The following KIFC3 variants were observed in gnomAD, a reference collection of about 807,000 sequenced individuals.
KIFC3 encodes the protein kinesin family member C3, also known as kinesin-like protein KIFC3.
In KIFC3, 60 loss-of-function variants were observed where a neutral mutation model predicts 101.8. The ratio of observed to expected loss-of-function variants is 0.59; its 90% CI spans 0.48 to 0.73. The LOEUF (loss-of-function observed/expected upper bound fraction) is 0.73. Among genes scored for constraint, KIFC3 ranks in the 30% least tolerant of loss-of-function variants. KIFC3 has a pLI of 0.00. For synonymous variants in KIFC3, 476 were observed against 482.7 expected, an observed-to-expected ratio of 0.99 and a Z score of 0.18; for missense variants, 966 against 1,137.1, an observed-to-expected ratio of 0.85 and a Z score of 2.16.
upstream of KIFC3, chr16:57,802,883 C>T: frequency 7.8e-7 from 1 of 1,276,004 alleles, no homozygotes; most frequent in African/African-American, 1.5e-5. This position sits in a 1 kb window ranked among gnomAD's most constrained non-coding sequence, Gnocchi z 5.0. Context: ...CGCGAGTACT[C>T]ACACATACAC....
In KIFC3 at chr16:57,774,718, G is replaced by T. The variant is rs533832463; in HGVS notation, c.316-2430C>A. The T allele has an allele frequency of 1.9e-4, 89 of 464,932 alleles. 1 individual carries two copies. The highest frequency in any genetic ancestry group is 1.3e-3 in the Admixed American group (32 of 24,442). The allele number at this position is 464,932 out of a possible 1,614,324, so 28.8% of individuals were successfully genotyped here. On this transcript the variant is annotated intron_variant, in intron 3 of 19. Coordinates refer to ENST00000445690, the MANE Select transcript of KIFC3 (RefSeq NM_001130100.2). Reference sequence around the variant, plus strand: ...TTTTTTTTTTTTTAATGTATAGAAGGGTCTTGCCATTTTGCCCAAGCTGGC... The same window carrying T: ...TTTTTTTTTTTTTAATGTATAGAAGTGTCTTGCCATTTTGCCCAAGCTGGC...
intron 3 of KIFC3, chr16:57,774,754 T>G (rs1465981985): frequency 1.6e-6 from 1 of 640,744 alleles, no homozygotes; most frequent in Admixed American, 4.1e-5. Flanking sequence ...CTTGAATTCC[T>G]GGCCTCAAGC....
At chr16:57,767,108 A>G (rs2050584221) in intron 9 of KIFC3, 123 bp from the exon 10 acceptor site, 2 of 699,944 alleles carry the variant, frequency 2.9e-6, no homozygotes, top group Non-Finnish European at 5.0e-6. Context: ...ACACGCTGTC[A>G]CATGTCAGAC....
intron 3 of KIFC3, chr16:57,782,204 AC>A: frequency 1.1e-6 from 1 of 930,960 alleles, no homozygotes; most frequent in Non-Finnish European, 1.3e-6. Flanking sequence ...CAACAGATCC[AC>A]CCCCAAACTG....
chr16:57,826,592 C>T (rs57769011), intron 1 of KIFC3, among the ~76,000 whole-genome samples: 2 of 152,142 alleles, frequency 1.3e-5, no homozygotes, highest in African/African-American at 4.8e-5. Flanking sequence ...ACAAAATAAA[C>T]TATGTGATGA....
upstream of KIFC3, chr16:57,803,479 C>G (rs2054854904): frequency 2.3e-6 from 1 of 439,700 alleles, no homozygotes; most frequent in African/African-American, 2.0e-5. Flanking sequence ...GGCGGGTACT[C>G]TGTCCCTTCC....
At chr16:57,804,674 C>T (rs1365432930), upstream of KIFC3, among the ~76,000 whole-genome samples, 1 of 152,002 alleles carries the variant, frequency 6.6e-6, no homozygotes, top group Admixed American at 6.6e-5. Context: ...ACTATAGCCC[C>T]GAACTCCTGG....
chr16:57,788,105 G>A (rs1555618604), intron 3 of KIFC3, among the ~76,000 whole-genome samples: 1 of 152,214 alleles, frequency 6.6e-6, no homozygotes, highest in Non-Finnish European at 1.5e-5. Context: ...GGGAAGAGCT[G>A]AGCCACTGGC....
chr16:57,815,362 A>G, intron 1 of KIFC3: 1 of 1,030,392 alleles, frequency 9.7e-7, no homozygotes, highest in South Asian at 2.0e-5. Flanking sequence ...GCTCAAGGCC[A>G]CAGGTACATC....
At chr16:57,825,168 T>C (rs183713634) in intron 1 of KIFC3, among the ~76,000 whole-genome samples, 4 of 152,330 alleles carry the variant, frequency 2.6e-5, no homozygotes, top group Admixed American at 6.5e-5. Context: ...AGATGACCTC[T>C]TGAGGGACTT....
intron 1 of KIFC3, among the ~76,000 whole-genome samples, chr16:57,833,278 T>C (rs1389903713): frequency 6.6e-6 from 1 of 152,096 alleles, no homozygotes; most frequent in Non-Finnish European, 1.5e-5. Flanking sequence ...TCCTATCTTG[T>C]ATAAGATGTA....
rs782722007 is a variant in KIFC3 at position 57,798,115 on chromosome 16, G to T, written c.129C>A (p.Ala43=). Residue 43 remains alanine, a synonymous_variant, in exon 2 of 20, where the codon GCC becomes GCA. Coordinates refer to ENST00000445690, the MANE Select transcript of KIFC3 (RefSeq NM_001130100.2). The part of the protein sequence containing the change: ...ARPAPAPASP[A]ARPFPHTGPG... Reference sequence around the variant, plus strand: ...GGCCGGTGTGTGGGAAAGGGCGGGCGGCCGGGCTGGCTGGGGCTGGGGCGG... The same window carrying T: ...GGCCGGTGTGTGGGAAAGGGCGGGCTGCCGGGCTGGCTGGGGCTGGGGCGG... The T allele has an allele frequency of 3.2e-6, 5 of 1,579,092 alleles. No individual in the cohort carries two copies. The East Asian group carries it at 1.2e-4, about 37-fold the overall frequency.
intron 14 of KIFC3, 106 bp downstream of exon 14, chr16:57,761,307 G>A (rs2049822951): frequency 3.8e-6 from 6 of 1,570,660 alleles, no homozygotes; most frequent in Admixed American, 1.7e-5. Context: ...AGAGGCGTGC[G>A]GACTTGCCCA....
rs899355678 is a variant in KIFC3, at chr16:57,775,257, A to G, written c.316-2969T>C. On this transcript the variant is annotated intron_variant, in intron 3 of 19. Coordinates refer to ENST00000445690, the MANE Select transcript of KIFC3 (RefSeq NM_001130100.2). ...GTGAGGGAGTTGAGGAAGGGGCTCTAAAGGCCCCTTTGTTCAGAGGTGTCA... is the reference window on the plus strand; with the variant it reads ...GTGAGGGAGTTGAGGAAGGGGCTCTGAAGGCCCCTTTGTTCAGAGGTGTCA... The G allele has an allele frequency of 2.3e-6, 3 of 1,304,854 alleles. No individual in the cohort carries two copies. The Admixed American group carries it at 1.1e-4, about 50-fold the overall frequency. The allele number at this position is 1,304,854 out of a possible 1,614,324, so 80.8% of individuals were successfully genotyped here. A position where few individuals can be genotyped will look rare whatever the true frequency, so the allele number is the denominator to read the frequency against.
In KIFC3 at chr16:57,808,552, A is replaced by T. The variant is rs567424359; in HGVS notation, c.109-10270T>A. On this transcript the variant is annotated intron_variant, in intron 1 of 2. Transcript: ENST00000563028. Reference sequence around the variant, plus strand: ...GGCAGTTTTTGTTTTTGAACTTAAAATTTTTTTTTTTCTGCACAAATCTAA... The same window carrying T: ...GGCAGTTTTTGTTTTTGAACTTAAATTTTTTTTTTTTCTGCACAAATCTAA... Among the ~76,000 whole-genome samples, 190 of 150,048 alleles carry T rather than the reference A, an allele frequency of 1.3e-3. 2 individuals are homozygous for T. Among genetic ancestry groups the T allele is most frequent in the Middle Eastern group, 0.01 (3 of 288 alleles).
chr16:57,776,017 G>A (rs972065600), intron 3 of KIFC3: 35 of 985,344 alleles, frequency 3.6e-5, no homozygotes, highest in African/African-American at 3.1e-4. Context: ...AGGCAGAAGC[G>A]GCTCGACCAA....
intron 12 of KIFC3, among the ~76,000 whole-genome samples, 166 bp downstream of exon 12, chr16:57,763,977 A>G (rs1311041059): frequency 6.6e-6 from 1 of 152,142 alleles, no homozygotes; most frequent in Non-Finnish European, 1.5e-5. Context: ...CCCCCTCTTA[A>G]GGCCTGGTGC....
intron 1 of KIFC3, among the ~76,000 whole-genome samples, chr16:57,840,558 C>T (rs1293019175): frequency 1.3e-5 from 2 of 151,932 alleles, no homozygotes; most frequent in Non-Finnish European, 2.9e-5. Context: ...GTCGGGAGTT[C>T]GAGACCAGAC....
intron 3 of KIFC3, among the ~76,000 whole-genome samples, chr16:57,789,262 G>C (rs2053638940): frequency 6.6e-6 from 1 of 152,244 alleles, no homozygotes; most frequent in Admixed American, 6.5e-5. Context: ...CGCCCCACAG[G>C]GCTATCGAGA....
Sources: allele counts gnomAD v4.1 joint callset (sites outside exome capture counted in the v4.1 genomes callset), GRCh38; gene constraint gnomAD v4.1.1; non-coding constraint Gnocchi (gnomAD v3.1); transcripts MANE v1.5; gene names NCBI Gene and HGNC (gene_info 2026-07-23, HGNC 2026-07-21).